Variants in ACTR3C observed in about 807,000 individuals in gnomAD.
ACTR3C encodes the protein actin related protein 3C, also known as actin-related protein 3C.
ACTR3C carries 18 observed loss-of-function variants against 26.3 expected under a neutral mutation model. That is an observed-to-expected ratio of 0.68 (90% CI 0.47 to 1.01). The LOEUF (loss-of-function observed/expected upper bound fraction) is 1.01, where lower values mean the gene tolerates loss of function less well. ACTR3C is among the 50% of genes least tolerant of loss of function. The pLI is 0.00. For synonymous variants in ACTR3C, 55 were observed against 94.5 expected, an observed-to-expected ratio of 0.58 and a Z score of 2.42; for missense variants, 184 against 250.7, an observed-to-expected ratio of 0.73 and a Z score of 1.80.
chr7:150,047,889 T>C, the ACTR3C span: 1 of 1,411,518 alleles, frequency 7.1e-7, no homozygotes. Context: ...TCTTTAGGGC[T>C]TTTTAATATT....
chr7:150,135,942 C>T, the ACTR3C span, among the ~76,000 whole-genome samples: 1 of 152,222 alleles, frequency 6.6e-6, no homozygotes, highest in Non-Finnish European at 1.5e-5. Context: ...GCCAAGCCAG[C>T]TCTCACGCAA....
the ACTR3C span, among the ~76,000 whole-genome samples, chr7:149,939,792 T>C: frequency 1.1e-4 from 16 of 148,480 alleles, no homozygotes; most frequent in South Asian, 4.5e-4. Flanking sequence ...GACTCCGCAA[T>C]ACAGCAAGTA....
chr7:150,105,145 C>T, the ACTR3C span, among the ~76,000 whole-genome samples: 1,172 of 150,374 alleles, frequency 7.8e-3, 22 homozygotes, highest in South Asian at 0.031. Context: ...TGCAGTGGCG[C>T]TATCTCCGCT....
the ACTR3C span, among the ~76,000 whole-genome samples, chr7:149,993,476 G>T: frequency 1.3e-5 from 2 of 152,082 alleles, no homozygotes; most frequent in East Asian, 3.9e-4. Context: ...CTCCCACAAG[G>T]AAAACCCAGA....
chr7:150,237,938 C>T, the ACTR3C span, among the ~76,000 whole-genome samples: 1 of 148,914 alleles, frequency 6.7e-6, no homozygotes, highest in Non-Finnish European at 1.5e-5. Context: ...ATGTTTATTC[C>T]CAACATGGTG....
At chr7:150,072,028 G>A in the ACTR3C span, among the ~76,000 whole-genome samples, 62 of 142,796 alleles carry the variant, frequency 4.3e-4, 3 homozygotes, top group East Asian at 6.4e-3. Context: ...TTGTGAAGAA[G>A]GGAAGAGGGC....
chr7:150,248,603 G>A (rs538250513), intron 7 of ACTR3C: 9 of 153,976 alleles, frequency 5.8e-5, no homozygotes, highest in African/African-American at 2.2e-4. Flanking sequence ...AGAGGTTGCA[G>A]TGAGCTGAGA....
chr7:150,107,231 A>G, the ACTR3C span, among the ~76,000 whole-genome samples: 2 of 148,986 alleles, frequency 1.3e-5, no homozygotes, highest in African/African-American at 5.0e-5. Flanking sequence ...AATTTAAAGT[A>G]TCTTTGAGGC....
chr7:149,947,795 T>C, the ACTR3C span, among the ~76,000 whole-genome samples: 154 of 145,232 alleles, frequency 1.1e-3, no homozygotes, highest in African/African-American at 4.2e-3. Flanking sequence ...GAATGGCCAT[T>C]GGAGGGATGA....
intron 1 of ACTR3C, among the ~76,000 whole-genome samples, chr7:150,316,356 G>A (rs563063429): frequency 6.6e-6 from 1 of 152,216 alleles, no homozygotes; most frequent in South Asian, 2.1e-4. Context: ...TTCGACTGTA[G>A]TAGCTTTAAA....
the ACTR3C span, among the ~76,000 whole-genome samples, chr7:150,223,557 G>A: frequency 3.5e-4 from 53 of 151,872 alleles, no homozygotes; most frequent in Middle Eastern, 3.4e-3. Flanking sequence ...AACTCCTTAG[G>A]TATCTATTAT....
chr7:150,253,634 T>C (rs1021395359), intron 6 of ACTR3C, among the ~76,000 whole-genome samples: 2 of 151,924 alleles, frequency 1.3e-5, no homozygotes, highest in Non-Finnish European at 2.9e-5. Context: ...CAAATACCAA[T>C]CATAATATCC....
chr7:150,115,021 T>G, the ACTR3C span, among the ~76,000 whole-genome samples: 1 of 152,162 alleles, frequency 6.6e-6, no homozygotes, highest in Non-Finnish European at 1.5e-5. Flanking sequence ...GAAAGTTCAT[T>G]TCTCCATCCA....
chr7:150,125,508 C>T, the ACTR3C span, among the ~76,000 whole-genome samples: 3 of 151,894 alleles, frequency 2.0e-5, no homozygotes, highest in Non-Finnish European at 4.4e-5. Context: ...ATGATCTATC[C>T]CCAGGGCTTA....
the ACTR3C span, among the ~76,000 whole-genome samples, chr7:149,922,970 C>CTTTTTTTTTTTTTTTTT: frequency 7.7e-4 from 53 of 69,156 alleles, 11 homozygotes; most frequent in African/African-American, 2.1e-3. Flanking sequence ...AAATAAAAGG[C>CTTTTTTTTTTTTTTTTT]TTTTTTTTTT....
chr7:150,225,056 C>T, the ACTR3C span, among the ~76,000 whole-genome samples: 13 of 150,182 alleles, frequency 8.7e-5, no homozygotes, highest in African/African-American at 2.2e-4. Context: ...TTTGCCTGCA[C>T]GAGCATGCGA....
At chr7:150,138,329 G>A in the ACTR3C span, among the ~76,000 whole-genome samples, 1 of 152,180 alleles carries the variant, frequency 6.6e-6, no homozygotes, top group Non-Finnish European at 1.5e-5. Context: ...ATTACCACAG[G>A]AACGAAGGAG....
chr7:149,996,172 G>C, the ACTR3C span, among the ~76,000 whole-genome samples: 6 of 152,278 alleles, frequency 3.9e-5, no homozygotes, highest in Non-Finnish European at 7.3e-5. Flanking sequence ...GGAAGCCCTC[G>C]GAAGGCCAGA....
At chr7:149,956,255 T>C in the ACTR3C span, among the ~76,000 whole-genome samples, 8 of 152,166 alleles carry the variant, frequency 5.3e-5, no homozygotes, top group Admixed American at 2.6e-4. Context: ...TGAATCCTCC[T>C]TGTACTTTAA....
Sources: allele counts gnomAD v4.1 joint callset (sites outside exome capture counted in the v4.1 genomes callset), GRCh38; gene constraint gnomAD v4.1.1; transcripts MANE v1.5; gene names NCBI Gene and HGNC (gene_info 2026-07-23, HGNC 2026-07-21).